NRG1: variants seen among roughly 807,000 people sequenced by gnomAD.
NRG1 encodes pro-neuregulin-1, membrane-bound isoform.
In NRG1, 18 loss-of-function variants were observed where a neutral mutation model predicts 63.8. That is an observed-to-expected ratio of 0.28 (90% CI 0.19 to 0.42). NRG1 has a LOEUF of 0.42. Among genes scored for constraint, NRG1 ranks in the 10% least tolerant of loss-of-function variants. NRG1 has a pLI of 1.00. For missense variants in NRG1, 762 were observed against 814.7 expected (o/e 0.94, Z 0.79); for synonymous variants, 302 against 301.3 (o/e 1.00, Z -0.02).
In NRG1 at chr8:32,656,819, T is replaced by C. The variant is rs367575479; in HGVS notation, c.502+39934T>C. 2.6e-5 allele frequency among the ~76,000 whole-genome samples: 4 copies of C among 150,960 alleles called. No individual in the cohort carries two copies. The East Asian group carries it at 7.9e-4, about 30-fold the overall frequency. ...AATGGAAATAAGCTGATGGACCCAATAAAACTTGGTGAAATAAAATGGAAA... is the reference window on the plus strand; with the variant it reads ...AATGGAAATAAGCTGATGGACCCAACAAAACTTGGTGAAATAAAATGGAAA... On this transcript the variant is annotated intron_variant, in intron 5 of 11. Transcript: ENST00000356819.
intron 1 of NRG1, among the ~76,000 whole-genome samples, chr8:31,940,861 C>T (rs183726083): frequency 6.6e-6 from 1 of 151,924 alleles, no homozygotes; most frequent in East Asian, 1.9e-4. Flanking sequence ...AGATATAGAA[C>T]CTCTCAACAG....
intron 1 of NRG1, among the ~76,000 whole-genome samples, chr8:31,698,115 C>T (rs909862707): frequency 1.6e-4 from 24 of 152,208 alleles, no homozygotes; most frequent in Admixed American, 9.8e-4. Flanking sequence ...TGCTTTGGGT[C>T]GACCAATCTC....
intron 1 of NRG1, among the ~76,000 whole-genome samples, chr8:32,040,397 A>T (rs1293433640): frequency 6.6e-6 from 1 of 152,092 alleles, no homozygotes; most frequent in Non-Finnish European, 1.5e-5. Context: ...AAAAAGTCAA[A>T]TGTTGCCAAC....
intron 7 of NRG1, chr8:32,749,922 T>C (rs1209447394): frequency 4.2e-5 from 12 of 282,464 alleles, no homozygotes; most frequent in Middle Eastern, 1.0e-3. Context: ...TAGTAGCACA[T>C]AAAGGATACA....
chr8:31,956,367 C>T (rs1364468250), intron 1 of NRG1, among the ~76,000 whole-genome samples: 1 of 152,148 alleles, frequency 6.6e-6, no homozygotes. Context: ...CGGTAAATCA[C>T]AGCACTTTGG....
intron 5 of NRG1, among the ~76,000 whole-genome samples, chr8:32,646,283 CA>C (rs138668683): frequency 0.013 from 2,022 of 152,240 alleles, 46 homozygotes; most frequent in African/African-American, 0.046. Context: ...CTGGGCATGA[CA>C]AACAAAGTCT....
intron 1 of NRG1, among the ~76,000 whole-genome samples, chr8:31,995,654 T>C (rs1202778680): frequency 1.3e-5 from 2 of 151,936 alleles, no homozygotes; most frequent in African/African-American, 2.4e-5. Flanking sequence ...CTAATTTTTG[T>C]ATGTGTCCTA....
chr8:32,648,539 G>A (rs1218197727), intron 5 of NRG1, among the ~76,000 whole-genome samples: 2 of 152,128 alleles, frequency 1.3e-5, no homozygotes, highest in African/African-American at 4.8e-5. Context: ...GCATTGAAGG[G>A]CCGAGTAAAA....
rs377482043 is a variant in NRG1, at chr8:32,011,738, G to A, written c.37+372307G>A. Among the ~76,000 whole-genome samples, 238 of 152,170 alleles carry A rather than the reference G, an allele frequency of 1.6e-3. 1 individual carries two copies. The highest frequency in any genetic ancestry group is 5.3e-3 in the African/African-American group (219 of 41,534). Reference sequence around the variant, plus strand: ...AGTCAGGAGAACAGGGTGGGGCTGAGGCATGCCTGGTCTTTTCACTGCTAG... The same window carrying A: ...AGTCAGGAGAACAGGGTGGGGCTGAAGCATGCCTGGTCTTTTCACTGCTAG... On this transcript the variant is annotated intron_variant, in intron 1 of 10. Coordinates refer to the NRG1 transcript ENST00000519301.
intron 1 of NRG1, among the ~76,000 whole-genome samples, chr8:32,180,674 C>A (rs1028991685): frequency 2.0e-5 from 3 of 152,004 alleles, no homozygotes; most frequent in African/African-American, 7.2e-5. Context: ...TGGTGTACAG[C>A]ACATTGCTAT....
Position 32,110,865 on chromosome 8 carries a change from T to C in NRG1, c.37+471434T>C, listed in dbSNP as rs949445136. 6.6e-5 allele frequency among the ~76,000 whole-genome samples: 10 copies of C among 152,312 alleles called. 1 individual carries two copies. The highest frequency in any genetic ancestry group is 2.2e-4 in the African/African-American group (9 of 41,588). ...AATGATGCGGTTTCCCAAACTTGCC[T>C]GATTATACAAAAGCCCAGAAGCATT... On this transcript the variant is annotated intron_variant, in intron 1 of 10. Transcript: ENST00000519301.
intron 1 of NRG1, among the ~76,000 whole-genome samples, chr8:32,091,290 AAAG>A (rs1408086804): frequency 1.3e-5 from 2 of 151,980 alleles, no homozygotes; most frequent in Non-Finnish European, 2.9e-5. Flanking sequence ...AAAAAAAAAA[AAAG>A]AAGTAATTGG....
intron 1 of NRG1, among the ~76,000 whole-genome samples, chr8:32,141,431 C>T (rs1164348941): frequency 1.3e-5 from 2 of 151,278 alleles, no homozygotes; most frequent in Admixed American, 6.6e-5. Flanking sequence ...TCTCGTCTTT[C>T]GTTTCTGAAA....
At chr8:31,657,723 G>A (rs534657047) in intron 1 of NRG1, among the ~76,000 whole-genome samples, 80 of 152,240 alleles carry the variant, frequency 5.3e-4, no homozygotes, top group African/African-American at 1.5e-3. Context: ...CATATCTTAC[G>A]TCATTTATTC....
At chr8:32,000,800 GT>G (rs1439826536) in intron 1 of NRG1, among the ~76,000 whole-genome samples, 3 of 151,860 alleles carry the variant, frequency 2.0e-5, no homozygotes, top group African/African-American at 4.8e-5. Context: ...GTCATTGAAA[GT>G]AATGGCAAAA....
intron 5 of NRG1, among the ~76,000 whole-genome samples, chr8:32,618,684 A>AT (rs1847806652): frequency 6.6e-6 from 1 of 152,290 alleles, no homozygotes; most frequent in African/African-American, 2.4e-5. Flanking sequence ...TCATGAACAC[A>AT]TTTTTTTGTG....
At position 32,574,338 on chromosome 8, in the gene NRG1, G is replaced by A. The variant is rs187589065; in HGVS notation, c.101-21490G>A. ...CTCTCATTTCATCAGGTCTTCAAAA[G>A]GCTTTTAATAAACTTACCCAAATAT... On this transcript the variant is annotated intron_variant, in intron 1 of 11. Transcript: ENST00000356819. Among the ~76,000 whole-genome samples the A allele has an allele frequency of 2.4e-4, 37 of 152,090 alleles. No individual in the cohort carries two copies. The East Asian group carries it at 4.6e-3, about 19-fold the overall frequency.
intron 1 of NRG1, among the ~76,000 whole-genome samples, chr8:32,030,118 T>G (rs1818033584): frequency 6.6e-6 from 1 of 152,228 alleles, no homozygotes; most frequent in Non-Finnish European, 1.5e-5. Context: ...ATAATAAATA[T>G]ATGTCTATAC....
At chr8:31,862,938 A>G (rs1029724844) in intron 1 of NRG1, among the ~76,000 whole-genome samples, 1 of 152,220 alleles carries the variant, frequency 6.6e-6, no homozygotes, top group Non-Finnish European at 1.5e-5. Context: ...GTTGTCTATT[A>G]TATCTGCACA....
Sources: gnomAD v4.1 joint callset for allele counts (sites outside exome capture counted in the v4.1 genomes callset) on GRCh38, gnomAD v4.1.1 for gene constraint, MANE v1.5 for transcripts, NCBI Gene and HGNC (gene_info 2026-07-23, HGNC 2026-07-21) for gene names.